The following STXBP5 variants were observed in gnomAD, a reference collection of about 807,000 sequenced individuals.
STXBP5 encodes the protein syntaxin binding protein 5, also known as syntaxin-binding protein 5.
A neutral mutation model predicts 152.4 loss-of-function variants in STXBP5; 50 were observed. The observed-to-expected ratio is 0.33, with a 90% CI of 0.26 to 0.42. The LOEUF is 0.42. Ranked by LOEUF, STXBP5 falls within the 10% of genes least tolerant of loss-of-function variation. The pLI, the probability that STXBP5 is intolerant of heterozygous loss-of-function variation, is 1.00. For missense variants in STXBP5, 1,167 were observed against 1,388.6 expected, an observed-to-expected ratio of 0.84 and a Z score of 2.54; for synonymous variants, 492 against 494.7, an observed-to-expected ratio of 0.99 and a Z score of 0.07.
rs576128132 is a variant in STXBP5, at chr6:147,275,732, AT to A, written c.715-2343del. ...ACCACACGCCTGGCTAATTTTTTGT[AT>A]TTTTTGGTAGAGACGGGGTTTCACC... On this transcript the variant is annotated intron_variant, in intron 7 of 27. Transcript: ENST00000321680. Among the ~76,000 whole-genome samples, 498 of 150,650 alleles carry A rather than the reference AT, an allele frequency of 3.3e-3. 2 individuals carry two copies. The highest frequency in any genetic ancestry group is 0.011 in the African/African-American group (469 of 41,116).
intron 26 of STXBP5, among the ~76,000 whole-genome samples, chr6:147,379,400 G>T (rs969588915): frequency 6.6e-6 from 1 of 152,104 alleles, no homozygotes; most frequent in African/African-American, 2.4e-5. Flanking sequence ...AGAAAAATTT[G>T]TTGAGAGAAG....
chr6:147,387,644 A>T lies in STXBP5; in HGVS notation c.*2889A>T, dbSNP rs1214919090. On this transcript the variant is annotated 3_prime_UTR_variant, in exon 28 of 28. Coordinates refer to ENST00000321680, the MANE Select transcript of STXBP5 (RefSeq NM_001127715.4). ...TCAATTGTACAAAGTGTTTCCAAAA[A>T]AATGGTTATAGATTCGACTGAGCTA... 1 of 151,884 alleles carries T rather than the reference A, an allele frequency of 6.6e-6. No homozygotes were observed. The highest frequency in any genetic ancestry group is 2.4e-5 in the African/African-American group (1 of 41,444). The allele number at this position is 151,884 out of a possible 1,614,324, so 9.4% of individuals were successfully genotyped here.
intron 7 of STXBP5, among the ~76,000 whole-genome samples, chr6:147,277,230 A>G (rs1780486815): frequency 6.6e-6 from 1 of 152,102 alleles, no homozygotes; most frequent in Non-Finnish European, 1.5e-5. Context: ...ATGACATGAT[A>G]GAAAATGTTG....
chr6:147,324,875 T>C (rs1459278131), intron 16 of STXBP5, 84 bp from the exon 17 acceptor site: 2 of 1,185,458 alleles, frequency 1.7e-6, no homozygotes, highest in African/African-American at 1.6e-5. Context: ...GTATCTAGTA[T>C]CGTTTCATAT....
At chr6:147,233,202 G>C (rs538507957) in intron 2 of STXBP5, among the ~76,000 whole-genome samples, 2 of 151,870 alleles carry the variant, frequency 1.3e-5, no homozygotes, top group South Asian at 2.1e-4. Context: ...ATGAAGGTCA[G>C]TCACTTAAAA....
At chr6:147,358,972 G>T in intron 22 of STXBP5, 112 bp from the exon 23 acceptor site, 1 of 1,215,360 alleles carries the variant, frequency 8.2e-7, no homozygotes, top group Non-Finnish European at 1.1e-6. Context: ...TAAATATGAC[G>T]TAGGTTTTGT....
intron 2 of STXBP5, among the ~76,000 whole-genome samples, chr6:147,232,116 G>A (rs1778035376): frequency 6.6e-6 from 1 of 151,832 alleles, no homozygotes; most frequent in African/African-American, 2.4e-5. Context: ...GCATTTTATA[G>A]ATTAGAGAGT....
chr6:147,359,442 G>A (rs2128411607), intron 23 of STXBP5, 119 bp downstream of exon 23: 3 of 1,198,208 alleles, frequency 2.5e-6, no homozygotes, highest in Non-Finnish European at 3.4e-6. Flanking sequence ...AATGGGGACA[G>A]TGATGGCCTT....
At chr6:147,308,254 AT>A (rs1215427199) in intron 9 of STXBP5, among the ~76,000 whole-genome samples, 1 of 152,220 alleles carries the variant, frequency 6.6e-6, no homozygotes, top group Non-Finnish European at 1.5e-5. Flanking sequence ...AAAATCAAAT[AT>A]ACTTTCCTGA....
intron 2 of STXBP5, among the ~76,000 whole-genome samples, chr6:147,217,356 T>A (rs1263575681): frequency 1.3e-5 from 2 of 152,236 alleles, no homozygotes; most frequent in Non-Finnish European, 2.9e-5. Context: ...TGGGAATGGA[T>A]GCTGGGATAA....
At chr6:147,323,973 C>G (rs1314939647) in intron 16 of STXBP5, among the ~76,000 whole-genome samples, 1 of 152,160 alleles carries the variant, frequency 6.6e-6, no homozygotes, top group Non-Finnish European at 1.5e-5. Context: ...ACTACACACT[C>G]CTACCACTGT....
At chr6:147,249,554 C>T (rs1778984442) in intron 4 of STXBP5, among the ~76,000 whole-genome samples, 1 of 152,098 alleles carries the variant, frequency 6.6e-6, no homozygotes, top group Non-Finnish European at 1.5e-5. Context: ...GGATATTTAG[C>T]TGAAGAGATT....
At chr6:147,368,099 A>C (rs1420465755) in intron 25 of STXBP5, among the ~76,000 whole-genome samples, 1 of 152,156 alleles carries the variant, frequency 6.6e-6, no homozygotes, top group African/African-American at 2.4e-5. Flanking sequence ...AAGAAATAAC[A>C]CCGGTTCACA....
chr6:147,355,948 A>G (rs1482325987), intron 22 of STXBP5, among the ~76,000 whole-genome samples: 1 of 152,212 alleles, frequency 6.6e-6, no homozygotes, highest in East Asian at 1.9e-4. Flanking sequence ...TAATTCATGA[A>G]TTGCTGAAAA....
intron 9 of STXBP5, among the ~76,000 whole-genome samples, chr6:147,305,623 A>C (rs1254320282): frequency 6.6e-6 from 1 of 152,176 alleles, no homozygotes; most frequent in Non-Finnish European, 1.5e-5. Context: ...GAGAGTGTGA[A>C]TTTCTATTAG....
Position 147,364,057 on chromosome 6 carries a change from G to T in STXBP5, c.2972G>T (p.Arg991Leu). 6.2e-7 allele frequency: 1 copy of T among 1,613,836 alleles called. No homozygotes were observed. ...TATTACTTGCCCCTTACCAATATGCGGATAGCCAGAACGTTCTGCTTTACC... is the reference window on the plus strand; with the variant it reads ...TATTACTTGCCCCTTACCAATATGCTGATAGCCAGAACGTTCTGCTTTACC... ...DVYYLPLTNM[R>L]IARTFCFTNN... Residue 991 changes from arginine to leucine, a missense_variant, in exon 25 of 28, where the codon CGG becomes CTG. Around this residue, in one of 3 missense-constraint regions of STXBP5, gnomAD observed 833 missense variants for 986.3 expected, o/e 0.84. Coordinates refer to ENST00000321680, the MANE Select transcript of STXBP5 (RefSeq NM_001127715.4).
At position 147,260,639 on chromosome 6, in the gene STXBP5, C is replaced by A. The variant is rs1218860365; in HGVS notation, c.456C>A (p.Phe152Leu). The change falls in exon 5 of 28, where the codon TTC (phenylalanine) becomes TTA (leucine). Residue 152 changes from phenylalanine (F) to leucine (L), a missense_variant. Around this residue, in one of 3 missense-constraint regions of STXBP5, gnomAD observed 310 missense variants for 346.1 expected, o/e 0.90. Coordinates refer to ENST00000321680, the MANE Select transcript of STXBP5 (RefSeq NM_001127715.4). ...GGGTTACATTTTGCCATCTGCCTTT[C>A]CAGAGTAAGTGGCTCTATGTGGGCA... is the stretch of plus-strand genomic sequence containing the variant. Reference protein sequence around the residue: ...RERVTFCHLPFQSKWLYVGTE... With the variant: ...RERVTFCHLPLQSKWLYVGTE... 1 of 1,613,472 alleles carries A rather than the reference C, an allele frequency of 6.2e-7. No individual in the cohort carries two copies. Among genetic ancestry groups the A allele is most frequent in the East Asian group, 2.2e-5 (1 of 44,858 alleles).
chr6:147,295,751 C>T (rs906436052), intron 9 of STXBP5, among the ~76,000 whole-genome samples: 2 of 152,194 alleles, frequency 1.3e-5, no homozygotes, highest in African/African-American at 2.4e-5. Context: ...ACTCATAGGC[C>T]CTGAGCCCAG....
At chr6:147,278,308 T>A in intron 8 of STXBP5, 104 bp downstream of exon 8, 1 of 1,155,320 alleles carries the variant, frequency 8.7e-7, no homozygotes, top group Admixed American at 2.7e-5. Context: ...AGGATAAGGA[T>A]GGGTTTCCTT....
Sources: allele counts gnomAD v4.1 joint callset (sites outside exome capture counted in the v4.1 genomes callset), GRCh38; gene constraint gnomAD v4.1.1; regional missense constraint gnomAD v4.1.1; transcripts MANE v1.5; gene names NCBI Gene and HGNC (gene_info 2026-07-23, HGNC 2026-07-21).